SLC16A7: variants seen among roughly 807,000 people sequenced by gnomAD.
SLC16A7 encodes the protein solute carrier family 16 member 7.
In SLC16A7, 33 loss-of-function variants were observed where a neutral mutation model predicts 34.9. The observed-to-expected ratio is 0.94, with a 90% CI of 0.72 to 1.26. The LOEUF is 1.26. SLC16A7 is among the 50% of genes most tolerant of loss of function. SLC16A7 has a pLI of 0.00. For synonymous variants in SLC16A7, 201 were observed against 206.6 expected (o/e 0.97, Z 0.23); for missense variants, 573 against 578.1 (o/e 0.99, Z 0.09).
At chr12:59,731,400 A>G (rs1384028993) in intron 3 of SLC16A7, among the ~76,000 whole-genome samples, 1 of 152,172 alleles carries the variant, frequency 6.6e-6, no homozygotes, top group Non-Finnish European at 1.5e-5. Flanking sequence ...GAAGTACAAA[A>G]AGGTTAAATG....
intron 2 of SLC16A7, among the ~76,000 whole-genome samples, chr12:59,682,954 T>A (rs1360673753): frequency 6.6e-6 from 1 of 151,998 alleles, no homozygotes; most frequent in African/African-American, 2.4e-5. Flanking sequence ...TAATCCCAGC[T>A]ACTCAGGAGG....
Position 59,784,153 on chromosome 12 carries a change from ATG to A in SLC16A7, c.*4476_*4477del, listed in dbSNP as rs1818400422. On this transcript the variant is annotated 3_prime_UTR_variant, in exon 6 of 6. Coordinates refer to ENST00000547379, the MANE Select transcript of SLC16A7 (RefSeq NM_001270623.2). The stretch of plus-strand genomic sequence containing the variant: ...TTCTGAGGTTGGAGTTAGCAGGAAA[ATG>A]TTATCTTTTATGAATAAATAATTCC... 6.6e-6 allele frequency: 1 copy of A among 152,182 alleles called. No homozygotes were observed. The allele number at this position is 152,182 out of a possible 1,614,324, so 9.4% of individuals were successfully genotyped here. A position where few individuals can be genotyped will look rare whatever the true frequency, so the allele number is the denominator to read the frequency against.
intron 1 of SLC16A7, among the ~76,000 whole-genome samples, chr12:59,624,738 T>TTTTGTGTG (rs1555162899): frequency 6.9e-6 from 1 of 145,284 alleles, no homozygotes; most frequent in African/African-American, 2.5e-5. Flanking sequence ...GCATTGTTAG[T>TTTTGTGTG]TGTGTGTGTG....
intron 3 of SLC16A7, among the ~76,000 whole-genome samples, chr12:59,721,407 C>A (rs112406489): frequency 1.9e-4 from 29 of 152,068 alleles, no homozygotes; most frequent in African/African-American, 6.5e-4. Flanking sequence ...ACCCCCTCAA[C>A]TATTAATGGG....
intron 3 of SLC16A7, among the ~76,000 whole-genome samples, chr12:59,732,231 A>G (rs1184035740): frequency 1.3e-5 from 2 of 152,072 alleles, no homozygotes; most frequent in African/African-American, 4.8e-5. Context: ...AGCCTGACCA[A>G]TATGAAGAAA....
At chr12:59,601,727 G>T (rs747530153) in intron 1 of SLC16A7, among the ~76,000 whole-genome samples, 126 of 152,204 alleles carry the variant, frequency 8.3e-4, no homozygotes, top group Non-Finnish European at 1.4e-3. Context: ...GTGCTGGCAT[G>T]GTCCAGGTGT....
Position 59,779,582 on chromosome 12 carries a change from A to T in SLC16A7, c.1340A>T (p.Glu447Val), listed in dbSNP as rs78708164. ...KEENARQKTR[E>V]SEPLSKSKHS... is the part of the protein sequence containing the mutation. ...GAAAATGCAAGGCAGAAGACCAGAG[A>T]ATCTGAACCCTTGAGCAAATCTAAA... The change falls in exon 6 of 6, where the codon GAA (glutamate) becomes GTA (valine). Residue 447 changes from glutamate to valine, a missense_variant. Coordinates refer to ENST00000547379, the MANE Select transcript of SLC16A7 (RefSeq NM_001270623.2). 11,850 of 1,612,546 alleles carry T rather than the reference A, an allele frequency of 7.3e-3. 52 individuals carry two copies. The highest frequency in any genetic ancestry group is 8.7e-3 in the Non-Finnish European group (10,261 of 1,178,986).
chr12:59,609,337 C>T (rs542199758), intron 1 of SLC16A7, among the ~76,000 whole-genome samples: 1 of 152,342 alleles, frequency 6.6e-6, no homozygotes, highest in South Asian at 2.1e-4. Flanking sequence ...GGTTTGTTGA[C>T]AGACTTCAGT....
intron 1 of SLC16A7, among the ~76,000 whole-genome samples, chr12:59,639,639 G>A (rs563001515): frequency 9.1e-4 from 138 of 152,150 alleles, no homozygotes; most frequent in African/African-American, 3.3e-3. Flanking sequence ...TCCCATCTTG[G>A]CCTCCCAAAG....
Position 59,779,824 on chromosome 12 carries a change from ATTTTAAATTAGT to A in SLC16A7, c.*153_*164del. 1 of 615,100 alleles carries A rather than the reference ATTTTAAATTAGT, an allele frequency of 1.6e-6. No individual in the cohort carries two copies. The highest frequency in any genetic ancestry group is 2.7e-6 in the Non-Finnish European group (1 of 366,666). 38.1% of individuals were successfully genotyped at this position (615,100 alleles called of 1,614,324 possible). ...GAGGTGATATTTTCCTCAATGGCAA[ATTTTAAATTAGT>A]TTTTAAAAACTTACTTATTTGGGTA... On this transcript the variant is annotated 3_prime_UTR_variant, in exon 6 of 6. Coordinates refer to ENST00000547379, the MANE Select transcript of SLC16A7 (RefSeq NM_001270623.2).
intron 1 of SLC16A7, among the ~76,000 whole-genome samples, chr12:59,648,627 C>T (rs1868289715): frequency 6.6e-6 from 1 of 151,986 alleles, no homozygotes; most frequent in African/African-American, 2.4e-5. Flanking sequence ...AAAAGTGAGG[C>T]TAAAAAGGGC....
chr12:59,673,084 A>G (rs192276232), intron 2 of SLC16A7, among the ~76,000 whole-genome samples: 127 of 152,302 alleles, frequency 8.3e-4, no homozygotes, highest in African/African-American at 3.0e-3. Flanking sequence ...TTAATGTCTC[A>G]TTTCCATCGC....
Position 59,704,794 on chromosome 12 carries a change from G to A in SLC16A7, c.-8G>A. 1 of 1,599,554 alleles carries A rather than the reference G, an allele frequency of 6.3e-7. No homozygotes were observed. The highest frequency in any genetic ancestry group is 8.6e-7 in the Non-Finnish European group (1 of 1,167,802). On this transcript the variant is annotated 5_prime_UTR_variant, in exon 3 of 6. Transcript: ENST00000547379. ...TAGGTTACTTGAATTTCCACTAGAGGAGCAGAAATGCCACCAATGCCAAGT... is the reference window on the plus strand; with the variant it reads ...TAGGTTACTTGAATTTCCACTAGAGAAGCAGAAATGCCACCAATGCCAAGT...
At chr12:59,742,279 A>G (rs900394677) in intron 3 of SLC16A7, among the ~76,000 whole-genome samples, 1 of 152,182 alleles carries the variant, frequency 6.6e-6, no homozygotes, top group African/African-American at 2.4e-5. Flanking sequence ...TCTCCCTGGC[A>G]CTTGCATTCT....
At chr12:59,713,725 C>A (rs896663397) in intron 3 of SLC16A7, among the ~76,000 whole-genome samples, 1 of 152,140 alleles carries the variant, frequency 6.6e-6, no homozygotes, top group African/African-American at 2.4e-5. Context: ...TAGCCTTGCA[C>A]AATCATTGCC....
chr12:59,764,502 TC>T (rs1429429906), intron 3 of SLC16A7, among the ~76,000 whole-genome samples: 2 of 111,094 alleles, frequency 1.8e-5, no homozygotes, highest in Non-Finnish European at 3.5e-5. Flanking sequence ...ACCACAACAG[TC>T]CCCGGTGTGT....
intron 3 of SLC16A7, chr12:59,733,657 G>T (rs1877227296): frequency 2.2e-6 from 1 of 453,758 alleles, no homozygotes; most frequent in Admixed American, 2.4e-5. Context: ...CCTGAACATG[G>T]CAATCCCGGA....
intron 2 of SLC16A7, among the ~76,000 whole-genome samples, chr12:59,671,537 T>C (rs1869687097): frequency 2.0e-5 from 3 of 151,938 alleles, no homozygotes. Context: ...GAAGCATAAA[T>C]GCATTCTCAC....
Position 59,780,824 on chromosome 12 carries a change from C to G in SLC16A7, c.*1145C>G, listed in dbSNP as rs891384069. On this transcript the variant is annotated 3_prime_UTR_variant, in exon 6 of 6. Transcript: ENST00000547379. Reference sequence around the variant, plus strand: ...GGTTTTAATGAACCCTCTAAGCTCTCTCAGTTCCTTCCCTTCCACAAAATG... The same window carrying G: ...GGTTTTAATGAACCCTCTAAGCTCTGTCAGTTCCTTCCCTTCCACAAAATG... The G allele has an allele frequency of 2.6e-4, 39 of 152,152 alleles. No individual in the cohort carries two copies. Among genetic ancestry groups the G allele is most frequent in the Admixed American group, 1.8e-3 (28 of 15,248 alleles). The allele number at this position is 152,152 out of a possible 1,614,324, so 9.4% of individuals were successfully genotyped here. A position where few individuals can be genotyped will look rare whatever the true frequency, so the allele number is the denominator to read the frequency against.
Sources: allele counts gnomAD v4.1 joint callset (sites outside exome capture counted in the v4.1 genomes callset), GRCh38; gene constraint gnomAD v4.1.1; transcripts MANE v1.5; gene names NCBI Gene and HGNC (gene_info 2026-07-23, HGNC 2026-07-21).